Variants in CR1 observed in about 807,000 individuals in gnomAD.
The protein encoded by CR1 is complement receptor type 1.
CR1 carries 116 observed loss-of-function variants against 187.3 expected under a neutral mutation model. That is an observed-to-expected ratio of 0.62 (90% CI 0.53 to 0.72). The LOEUF is 0.72. Among genes scored for constraint, CR1 ranks in the 30% least tolerant of loss-of-function variants. CR1 has a pLI of 0.00. For synonymous variants in CR1, 576 were observed against 747.1 expected, an observed-to-expected ratio of 0.77 and a Z score of 3.73; for missense variants, 1,731 against 2,110.7, an observed-to-expected ratio of 0.82 and a Z score of 3.52.
intron 45 of CR1, among the ~76,000 whole-genome samples, chr1:207,627,048 A>C (rs1039315210): frequency 6.6e-6 from 1 of 152,144 alleles, no homozygotes; most frequent in Non-Finnish European, 1.5e-5. Context: ...GAAAAACATA[A>C]ATAAATAAAT....
rs955695623 is a variant in CR1 at position 207,578,254 on chromosome 1, T to G, written c.4936+51T>G. On this transcript the variant is annotated intron_variant, in intron 29 of 46. Coordinates refer to ENST00000367049, the MANE Select transcript of CR1 (RefSeq NM_000651.6). ...GCCCTGCCAGTGACATGTGTTGCTG[T>G]TGGATCAGGAGATGAGTATTTGTTA... is the stretch of plus-strand genomic sequence containing the variant. 36 of 1,611,398 alleles carry G rather than the reference T, an allele frequency of 2.2e-5. No individual in the cohort carries two copies. In the South Asian group the frequency reaches 3.1e-4, roughly 14 times the overall value.
At chr1:207,623,991 T>C (rs557773684) in intron 45 of CR1, among the ~76,000 whole-genome samples, 10 of 139,596 alleles carry the variant, frequency 7.2e-5, no homozygotes, top group African/African-American at 2.6e-4. Context: ...AGTGGCACGA[T>C]CTTGGCTCAC....
intron 45 of CR1, among the ~76,000 whole-genome samples, chr1:207,625,129 C>T (rs545151226): frequency 2.6e-5 from 4 of 152,352 alleles, no homozygotes; most frequent in South Asian, 2.1e-4. Flanking sequence ...CAGGCATAAA[C>T]ATGACTCAAT....
intron 27 of CR1, among the ~76,000 whole-genome samples, chr1:207,573,416 T>C (rs1169479798): frequency 1.3e-5 from 2 of 152,170 alleles, no homozygotes; most frequent in African/African-American, 4.8e-5. Context: ...TAAATGCAAT[T>C]GGTAAATTTC....
chr1:207,625,911 A>G (rs1484290093), intron 45 of CR1, among the ~76,000 whole-genome samples: 1 of 152,212 alleles, frequency 6.6e-6, no homozygotes, highest in African/African-American at 2.4e-5. Context: ...GAAGTCACAA[A>G]TCTCTGAGCA....
At chr1:207,501,945 G>C (rs1404324862) in intron 1 of CR1, among the ~76,000 whole-genome samples, 1 of 151,252 alleles carries the variant, frequency 6.6e-6, no homozygotes, top group African/African-American at 2.4e-5. Context: ...TATCCTCAAA[G>C]TGCTGTTATC....
rs754966774 is a variant in CR1, at chr1:207,496,419, C to T, written c.121+31C>T. The T allele has an allele frequency of 3.6e-5, 57 of 1,581,424 alleles. No individual in the cohort carries two copies. The East Asian group carries it at 1.3e-3, about 35-fold the overall frequency. ...AGGCGGGCGGGCGTGGGGAGGCGCC[C>T]GGGCGGACGAGGAACCCGGGGCCCC... On this transcript the variant is annotated intron_variant, in intron 1 of 46. Transcript: ENST00000367049.
chr1:207,589,805 G>A (rs927602873), intron 35 of CR1, among the ~76,000 whole-genome samples: 4 of 152,098 alleles, frequency 2.6e-5, no homozygotes, highest in African/African-American at 4.8e-5. Flanking sequence ...CACAGCACAA[G>A]AACTTCATGA....
At chr1:207,573,095 C>T (rs534596557) in intron 27 of CR1, among the ~76,000 whole-genome samples, 9 of 151,946 alleles carry the variant, frequency 5.9e-5, no homozygotes, top group Non-Finnish European at 1.2e-4. Context: ...GGGGGAGACA[C>T]AATTCAACCT....
rs117447527 is a variant in CR1, at chr1:207,580,202, C to A, written c.4937-38C>A. Reference sequence around the variant, plus strand: ...CTTCAGGAAGCATAGGAAATTCCCCCATAACTAACAAGTACTCTGGAACTG... The same window carrying A: ...CTTCAGGAAGCATAGGAAATTCCCCAATAACTAACAAGTACTCTGGAACTG... On this transcript the variant is annotated intron_variant, in intron 29 of 46. Coordinates refer to ENST00000367049, the MANE Select transcript of CR1 (RefSeq NM_000651.6). The A allele has an allele frequency of 1.0e-3, 1,665 of 1,605,182 alleles. 25 individuals carry two copies. The East Asian group carries it at 0.026, about 25-fold the overall frequency.
Position 207,577,879 on chromosome 1 carries a change from G to T in CR1, c.4612G>T (p.Gly1538Ter), listed in dbSNP as rs1314240617. The T allele has an allele frequency of 6.2e-7, 1 of 1,613,696 alleles. No homozygotes were observed. The highest frequency in any genetic ancestry group is 1.1e-5 in the South Asian group (1 of 91,064). Residue 1538 changes from glycine (G) to a stop codon, truncating the protein, a stop_gained, in exon 29 of 47, where the codon GGA (glycine) becomes TGA (stop). Transcript: ENST00000367049. LOFTEE classifies it high-confidence loss of function. ...CACCAACAGAGAGAATTTTCACTAT[G>T]GATCAGTGGTGACCTACCGCTGCAA... ...ISTNRENFHY[G>*]SVVTYRCNLG...
At position 207,584,675 on chromosome 1, in the gene CR1, A is replaced by G; in HGVS notation, c.5329A>G (p.Ile1777Val). The change falls in exon 33 of 47, where the codon ATC (isoleucine) becomes GTC (valine). Residue 1777 changes from isoleucine (I) to valine (V), a missense_variant. Physicochemically the swap from Ile to Val is conservative, Grantham distance 29. Transcript: ENST00000367049. The stretch of plus-strand genomic sequence containing the variant: ...TATCTTTTGTCCAAATCCTCCAGCT[A>G]TCCTTAATGGGAGACACACAGGAAC... ...EHIFCPNPPA[I>V]LNGRHTGTPS... 6.2e-7 allele frequency: 1 copy of G among 1,613,660 alleles called. No individual in the cohort carries two copies. The highest frequency in any genetic ancestry group is 2.2e-5 in the East Asian group (1 of 44,882).
At chr1:207,577,122 A>G (rs1660772810) in intron 28 of CR1, among the ~76,000 whole-genome samples, 1 of 152,014 alleles carries the variant, frequency 6.6e-6, no homozygotes, top group South Asian at 2.1e-4. Context: ...TTGGTGGCGC[A>G]TGCCTGTAAT....
rs71154830 is a variant in CR1, at chr1:207,623,911, C to CTT, written c.7352+874_7352+875dup. 0.013 allele frequency among the ~76,000 whole-genome samples: 668 copies of CTT among 52,460 alleles called. 68 individuals are homozygous for CTT. The East Asian group carries it at 0.16, about 13-fold the overall frequency. The allele number at this position is 52,460 out of a possible 152,430, so 34.4% of individuals were successfully genotyped here. ...ACAAATATTTTGTAAACACCATTAA[C>CTT]TTTTTTTTTTTTTTTTTTTTTTTTT... On this transcript the variant is annotated intron_variant, in intron 45 of 46. Transcript: ENST00000367049.
At chr1:207,578,290 A>G (rs1264204043) in intron 29 of CR1, 87 bp downstream of exon 29, 15 of 1,608,488 alleles carry the variant, frequency 9.3e-6, no homozygotes, top group Non-Finnish European at 1.1e-5. Flanking sequence ...AGGGGGAGGT[A>G]TGTATGGTGA....
chr1:207,607,272 A>C lies in CR1; in HGVS notation c.5832A>C (p.Pro1944=). Residue 1944 remains proline (P), a synonymous_variant, in exon 36 of 47, where the codon CCA becomes CCC. Coordinates refer to ENST00000367049, the MANE Select transcript of CR1 (RefSeq NM_000651.6). The stretch of plus-strand genomic sequence containing the variant: ...TTAGGTTTCGACTCATTGGTTCCCC[A>C]TCTACTACTTGTCTCGTCTCAGGCA... ...CNEGFRLIGS[P]STTCLVSGNN... is the part of the protein sequence containing the mutation. The C allele has an allele frequency of 6.2e-7, 1 of 1,613,606 alleles. No homozygotes were observed. The highest frequency in any genetic ancestry group is 8.5e-7 in the Non-Finnish European group (1 of 1,179,534).
At chr1:207,613,794 G>A (rs1662013761) in intron 39 of CR1, among the ~76,000 whole-genome samples, 1 of 152,112 alleles carries the variant, frequency 6.6e-6, no homozygotes, top group Admixed American at 6.5e-5. Flanking sequence ...GATTTCAGAA[G>A]GCAAGCAGGA....
rs972244886 is a variant in CR1 at position 207,499,756 on chromosome 1, G to A, written c.121+3368G>A. 3.3e-5 allele frequency among the ~76,000 whole-genome samples: 5 copies of A among 152,316 alleles called. No homozygotes were observed. The South Asian group carries it at 6.2e-4, about 19-fold the overall frequency. On this transcript the variant is annotated intron_variant, in intron 1 of 46. Transcript: ENST00000367049. ...TGCTAGGTAAAGGTGCAAGATAGAAGGGAAGTTCCAATTTGCTTTCTGTGC... is the reference window on the plus strand; with the variant it reads ...TGCTAGGTAAAGGTGCAAGATAGAAAGGAAGTTCCAATTTGCTTTCTGTGC...
rs1035638858 is a variant in CR1 at position 207,639,979 on chromosome 1, A to G, written c.*570A>G. On this transcript the variant is annotated 3_prime_UTR_variant, in exon 47 of 47. Coordinates refer to ENST00000367049, the MANE Select transcript of CR1 (RefSeq NM_000651.6). ...TTATAGAGCAGAACCCTAGTCTTTT[A>G]AACAGTTTAGAGTGAAATATATGCT... The G allele has an allele frequency of 6.6e-6, 1 of 152,332 alleles. No individual in the cohort carries two copies. Among genetic ancestry groups the G allele is most frequent in the Non-Finnish European group, 1.5e-5 (1 of 68,174 alleles). The allele number at this position is 152,332 out of a possible 1,614,324, so 9.4% of individuals were successfully genotyped here.
Sources: gnomAD v4.1 joint callset for allele counts (sites outside exome capture counted in the v4.1 genomes callset) on GRCh38, gnomAD v4.1.1 for gene constraint, MANE v1.5 for transcripts, NCBI Gene and HGNC (gene_info 2026-07-23, HGNC 2026-07-21) for gene names.